The following CDKN2B-AS1 variants were observed in gnomAD, a reference collection of about 807,000 sequenced individuals.
CDKN2B-AS1 encodes the protein CDKN2B and CDKN2A antisense cis and trans regulatory RNA 1.
At chr9:22,033,225 T>C (rs1378008858) in intron 1 of CDKN2B-AS1, among the ~76,000 whole-genome samples, 2 of 152,000 alleles carry the variant, frequency 1.3e-5, no homozygotes, top group Admixed American at 1.3e-4. Flanking sequence ...GCCAAAAAGG[T>C]TGGGGACCAC....
chr9:22,065,599 G>T (rs527573180), intron 4 of CDKN2B-AS1: 2 of 152,308 alleles, frequency 1.3e-5, no homozygotes, highest in East Asian at 3.9e-4. Flanking sequence ...TAGCTCCCAA[G>T]CAGGTTCAGT....
At chr9:22,084,093 T>C (rs1189549106) in intron 4 of CDKN2B-AS1, among the ~76,000 whole-genome samples, 2 of 152,202 alleles carry the variant, frequency 1.3e-5, no homozygotes, top group Non-Finnish European at 2.9e-5. Context: ...CACCATTTCA[T>C]TGGATTCACA....
chr9:22,078,449 A>C (rs1824577986), intron 4 of CDKN2B-AS1, among the ~76,000 whole-genome samples: 1 of 152,196 alleles, frequency 6.6e-6, no homozygotes, highest in Non-Finnish European at 1.5e-5. Context: ...TTCTGTGTCT[A>C]TACTATTTGA....
At position 22,063,045 on chromosome 9, in the gene CDKN2B-AS1, G is replaced by A. The variant is rs551495844; in HGVS notation, n.438+6658G>A. Among the ~76,000 whole-genome samples, 4 of 150,976 alleles carry A rather than the reference G, an allele frequency of 2.6e-5. No individual in the cohort carries two copies. In the South Asian group the frequency reaches 8.4e-4, roughly 32 times the overall value. On this transcript the variant is annotated intron_variant and non_coding_transcript_variant, in intron 4 of 4. Transcript: ENST00000650946. ...GAGACTTATAAATTTTGGATATATG[G>A]TTTCAAGGCACTTTTCTGGATGCAT...
chr9:22,121,849 A>G (rs915897658), intron 4 of CDKN2B-AS1, among the ~76,000 whole-genome samples: 2 of 152,152 alleles, frequency 1.3e-5, no homozygotes, highest in African/African-American at 4.8e-5. Flanking sequence ...TAGTACTGCA[A>G]TAAACATGGT....
At chr9:22,074,167 G>T (rs1824406444) in intron 4 of CDKN2B-AS1, among the ~76,000 whole-genome samples, 1 of 152,134 alleles carries the variant, frequency 6.6e-6, no homozygotes, top group African/African-American at 2.4e-5. Flanking sequence ...TTGGCACCTA[G>T]AGGATTTCAA....
At position 22,093,137 on chromosome 9, in the gene CDKN2B-AS1, A is replaced by ACAT. The variant is rs1825154501; in HGVS notation, n.439-33966_439-33965insCAT. On this transcript the variant is annotated intron_variant and non_coding_transcript_variant, in intron 4 of 4. Coordinates refer to ENST00000650946, the Ensembl canonical transcript of CDKN2B-AS1. Reference sequence around the variant, plus strand: ...GTTTCCATGTAGGTGAGCGGTTTTGAGTGAGTTTCTTAATCTTGAGTTCTA... The same window carrying ACAT: ...GTTTCCATGTAGGTGAGCGGTTTTGACATGTGAGTTTCTTAATCTTGAGTTCTA... Among the ~76,000 whole-genome samples, 4 of 150,186 alleles carry ACAT rather than the reference A, an allele frequency of 2.7e-5. No individual in the cohort carries two copies. In the South Asian group the frequency reaches 8.6e-4, roughly 32 times the overall value.
At chr9:22,102,790 A>G (rs1825528553) in intron 4 of CDKN2B-AS1, among the ~76,000 whole-genome samples, 1 of 152,188 alleles carries the variant, frequency 6.6e-6, no homozygotes, top group Non-Finnish European at 1.5e-5. Flanking sequence ...AAGATGTGAA[A>G]CTAGATAGCA....
intron 4 of CDKN2B-AS1, among the ~76,000 whole-genome samples, chr9:22,103,444 G>C (rs771033288): frequency 6.6e-6 from 1 of 152,034 alleles, no homozygotes; most frequent in South Asian, 2.1e-4. Context: ...GAAGTGCCTG[G>C]CATTCCTGCA....
At chr9:22,056,900 C>G (rs1823597413) in intron 4 of CDKN2B-AS1, among the ~76,000 whole-genome samples, 1 of 152,120 alleles carries the variant, frequency 6.6e-6, no homozygotes, top group Admixed American at 6.5e-5. Context: ...TGCTTTCCCT[C>G]CCTCCTGGAA....
At chr9:22,002,365 C>T (rs1484690424) in intron 1 of CDKN2B-AS1, among the ~76,000 whole-genome samples, 2 of 151,770 alleles carry the variant, frequency 1.3e-5, no homozygotes, top group Admixed American at 6.6e-5. Flanking sequence ...ATGTATTGAA[C>T]ATTGTAAAAA....
At chr9:22,124,428 C>T (rs949486487) in intron 4 of CDKN2B-AS1, among the ~76,000 whole-genome samples, 1 of 152,208 alleles carries the variant, frequency 6.6e-6, no homozygotes, top group African/African-American at 2.4e-5. Flanking sequence ...TGGAACTGAA[C>T]TGAGGCCAGA....
intron 4 of CDKN2B-AS1, among the ~76,000 whole-genome samples, chr9:22,081,962 G>T (rs1824715287): frequency 6.6e-6 from 1 of 152,126 alleles, no homozygotes. Context: ...TGTGGCTGGG[G>T]TCTTGCTTCA....
chr9:22,066,608 T>C (rs1824053884), intron 4 of CDKN2B-AS1, among the ~76,000 whole-genome samples: 1 of 152,090 alleles, frequency 6.6e-6, no homozygotes, highest in African/African-American at 2.4e-5. Flanking sequence ...CGAATGTCCT[T>C]TTCAAAACTG....
chr9:22,010,731 AC>A (rs1563918824), intron 1 of CDKN2B-AS1, among the ~76,000 whole-genome samples: 1 of 151,598 alleles, frequency 6.6e-6, no homozygotes, highest in Non-Finnish European at 1.5e-5. Context: ...TTCCCATCCA[AC>A]CCCCATTTCC....
At chr9:22,126,094 G>T (rs1056686039) in intron 4 of CDKN2B-AS1, among the ~76,000 whole-genome samples, 1 of 152,166 alleles carries the variant, frequency 6.6e-6, no homozygotes, top group African/African-American at 2.4e-5. Flanking sequence ...ATAGCCTACT[G>T]TTGACTGGAA....
At chr9:22,073,311 TC>T (rs1358145315) in intron 4 of CDKN2B-AS1, among the ~76,000 whole-genome samples, 3 of 152,170 alleles carry the variant, frequency 2.0e-5, no homozygotes, top group African/African-American at 7.2e-5. Context: ...TTTTCACGAT[TC>T]AAAAAGATTA....
rs1009925713 is a variant in CDKN2B-AS1 at position 22,008,589 on chromosome 9, A to T, written n.29+13428A>T. On this transcript the variant is annotated intron_variant and non_coding_transcript_variant, in intron 1 of 4. Coordinates refer to ENST00000650946, the Ensembl canonical transcript of CDKN2B-AS1. ...ATGAGATGGCAGAACAAAAACCACTAAAAAAAGCTTAAACAGTGGGTTTTT... is the reference window on the plus strand; with the variant it reads ...ATGAGATGGCAGAACAAAAACCACTTAAAAAAGCTTAAACAGTGGGTTTTT... 4 of 1,419,238 alleles carry T rather than the reference A, an allele frequency of 2.8e-6. No homozygotes were observed. The South Asian group carries it at 4.0e-5, about 14-fold the overall frequency. 87.9% of individuals were successfully genotyped at this position (1,419,238 alleles called of 1,614,324 possible).
At chr9:22,111,593 A>G (rs1449946196) in intron 4 of CDKN2B-AS1, among the ~76,000 whole-genome samples, 1 of 138,200 alleles carries the variant, frequency 7.2e-6, no homozygotes, top group Non-Finnish European at 1.6e-5. Context: ...TATATGTGAC[A>G]TTTTTCCTTT....
Sources: gnomAD v4.1 joint callset for allele counts (sites outside exome capture counted in the v4.1 genomes callset) on GRCh38, gnomAD v4.1.1 for gene constraint, MANE v1.5 for transcripts, NCBI Gene and HGNC (gene_info 2026-07-23, HGNC 2026-07-21) for gene names.